NDUFAF7: variants seen among roughly 807,000 people sequenced by gnomAD.
NDUFAF7 encodes protein arginine methyltransferase NDUFAF7, mitochondrial.
A neutral mutation model predicts 47.2 loss-of-function variants in NDUFAF7; 48 were observed. The ratio of observed to expected loss-of-function variants is 1.02; its 90% CI spans 0.81 to 1.29. The LOEUF (loss-of-function observed/expected upper bound fraction) is 1.29, where lower values mean the gene tolerates loss of function less well. Ranked by LOEUF, NDUFAF7 falls within the 50% of genes most tolerant of loss-of-function variation. NDUFAF7 has a pLI of 0.00. For missense variants in NDUFAF7, 635 were observed against 537.6 expected, an observed-to-expected ratio of 1.18 and a Z score of -1.79; for synonymous variants, 217 against 190.0, an observed-to-expected ratio of 1.14 and a Z score of -1.17.
intron 5 of NDUFAF7, chr2:37,242,106 T>C: frequency 2.6e-6 from 1 of 384,182 alleles, no homozygotes; most frequent in Non-Finnish European, 4.7e-6. Context: ...CTGGGGCTGA[T>C]GGAAGCAGTG....
At position 37,236,156 on chromosome 2, in the gene NDUFAF7, A is replaced by G. The variant is rs772455039; in HGVS notation, c.277A>G (p.Ile93Val). 5 of 1,611,714 alleles carry G rather than the reference A, an allele frequency of 3.1e-6. No individual in the cohort carries two copies. Among genetic ancestry groups the G allele is most frequent in the South Asian group, 1.1e-5 (1 of 91,030 alleles). The change falls in exon 3 of 10, where the codon ATA becomes GTA. Residue 93 changes from isoleucine (I) to valine (V), a missense_variant. Physicochemically the swap from Ile to Val is conservative, Grantham distance 29 (BLOSUM62 3). Transcript: ENST00000002125. ...AGGAGATTTCATTACTTCACCTGAA[A>G]TAAGTCAAATCTTTGGGGAGGTAAT... ...EKGDFITSPE[I>V]SQIFGELLGI...
At chr2:37,260,626 CT>C in the NDUFAF7 span, among the ~76,000 whole-genome samples, 1 of 152,190 alleles carries the variant, frequency 6.6e-6, no homozygotes, top group Admixed American at 6.5e-5. Context: ...TATAATCACT[CT>C]TGTCCATTAC....
Position 37,247,275 on chromosome 2 carries a change from GC to G in NDUFAF7, c.937-180del. ...GTAGTGTATCTCAGGTGATTCTGAT[GC>G]ATGGTTGATGCATATACTTTGTAAA... On this transcript the variant is annotated intron_variant, in intron 8 of 9. Coordinates refer to ENST00000002125, the MANE Select transcript of NDUFAF7 (RefSeq NM_144736.5). 1.5e-5 allele frequency: 10 copies of G among 676,648 alleles called. No homozygotes were observed. The South Asian group carries it at 1.9e-4, about 13-fold the overall frequency. 41.9% of individuals were successfully genotyped at this position (676,648 alleles called of 1,614,324 possible). A position where few individuals can be genotyped will look rare whatever the true frequency, so the allele number is the denominator to read the frequency against.
intron 3 of NDUFAF7, among the ~76,000 whole-genome samples, chr2:37,237,233 G>T (rs1665891689): frequency 6.6e-6 from 1 of 152,212 alleles, no homozygotes; most frequent in Non-Finnish European, 1.5e-5. Context: ...GCCTCCCAAA[G>T]TGCTGGGATT....
chr2:37,232,417 G>C (rs1158210983), intron 2 of NDUFAF7, 151 bp downstream of exon 2: 10 of 1,035,578 alleles, frequency 9.7e-6, no homozygotes, highest in Non-Finnish European at 1.5e-5. Flanking sequence ...CAGATAATTT[G>C]TCAGTTGGTC....
At chr2:37,233,772 G>A (rs1370229997) in intron 2 of NDUFAF7, among the ~76,000 whole-genome samples, 1 of 152,160 alleles carries the variant, frequency 6.6e-6, no homozygotes, top group Non-Finnish European at 1.5e-5. Context: ...CCAGCATTGA[G>A]AGTAGGGGTA....
chr2:37,256,423 C>T (rs912146223), downstream of NDUFAF7, among the ~76,000 whole-genome samples: 6 of 152,116 alleles, frequency 3.9e-5, no homozygotes, highest in African/African-American at 7.2e-5. Flanking sequence ...AGTGGTTTGA[C>T]AATGAGGCCA....
chr2:37,250,360 A>ATATC, downstream of NDUFAF7: 1 of 152,300 alleles, frequency 6.6e-6, no homozygotes, highest in South Asian at 2.1e-4. Context: ...GCAATGCCTT[A>ATATC]TATCTTAACA....
At chr2:37,266,589 C>T in the NDUFAF7 span, among the ~76,000 whole-genome samples, 6 of 151,966 alleles carry the variant, frequency 3.9e-5, no homozygotes, top group East Asian at 1.9e-4. Flanking sequence ...CAGGTTCAAG[C>T]GATTCTCCTG....
At chr2:37,254,082 A>T (rs1015967565), downstream of NDUFAF7, 55 of 709,902 alleles carry the variant, frequency 7.7e-5, 1 homozygote, top group Non-Finnish European at 1.2e-4. Context: ...CCATAGTACA[A>T]ATTAATCACT....
In NDUFAF7 at chr2:37,240,132, A is replaced by G. The variant is rs183157369; in HGVS notation, c.409-1446A>G. Among the ~76,000 whole-genome samples, 179 of 152,326 alleles carry G rather than the reference A, an allele frequency of 1.2e-3. 1 individual carries two copies. Among genetic ancestry groups the G allele is most frequent in the African/African-American group, 3.9e-3 (162 of 41,574 alleles). ...TATTTTATATGTACTTGACAATTCA[A>G]TGTAAAAAACAAACATGGCTGGGCG... is the stretch of plus-strand genomic sequence containing the variant. On this transcript the variant is annotated intron_variant, in intron 4 of 9. Transcript: ENST00000002125.
At chr2:37,265,430 T>C in the NDUFAF7 span, among the ~76,000 whole-genome samples, 3 of 152,264 alleles carry the variant, frequency 2.0e-5, no homozygotes, top group Non-Finnish European at 4.4e-5. Flanking sequence ...TTCTAGAATA[T>C]CAATATTCTA....
At chr2:37,242,090 A>G in intron 5 of NDUFAF7, 1 of 410,150 alleles carries the variant, frequency 2.4e-6, no homozygotes, top group Non-Finnish European at 4.4e-6. Context: ...GAGCAGCCCA[A>G]GGCAGCTGGG....
rs199507397 is a variant in NDUFAF7 at position 37,241,702 on chromosome 2, G to A, written c.533G>A (p.Arg178Gln). 8.6e-5 allele frequency: 138 copies of A among 1,613,882 alleles called. No individual in the cohort carries two copies. The highest frequency in any genetic ancestry group is 1.5e-4 in the Admixed American group (9 of 59,986). Residue 178 changes from arginine (R) to glutamine (Q), a missense_variant, in exon 5 of 10, where the codon CGA becomes CAA. Transcript: ENST00000002125. ...TLTKEKVPLE[R>Q]NAGSPVYMKG... ...ACTAAAGAGAAGGTCCCGTTAGAGCGAAATGCTGGATCCCCAGTGTATATG... is the reference window on the plus strand; with the variant it reads ...ACTAAAGAGAAGGTCCCGTTAGAGCAAAATGCTGGATCCCCAGTGTATATG...
chr2:37,256,615 A>G, downstream of NDUFAF7: 4 of 1,466,578 alleles, frequency 2.7e-6, no homozygotes, highest in Non-Finnish European at 3.6e-6. Context: ...TAGGCTTAAA[A>G]CACATAGCCA....
At chr2:37,236,434 G>C (rs371951550) in intron 3 of NDUFAF7, among the ~76,000 whole-genome samples, 2 of 152,050 alleles carry the variant, frequency 1.3e-5, no homozygotes, top group African/African-American at 4.8e-5. Context: ...AGAAGGAAAG[G>C]AGGGGGTCAT....
chr2:37,231,944 G>T, intron 1 of NDUFAF7, 162 bp from the exon 2 acceptor site: 2 of 1,598,172 alleles, frequency 1.3e-6, no homozygotes, highest in South Asian at 2.2e-5. Context: ...GGGCAAGTGG[G>T]TGCTGTCTCT....
Position 37,235,268 on chromosome 2 carries a change from AAAC to A in NDUFAF7, c.217-824_217-822del, listed in dbSNP as rs982146201. Reference sequence around the variant, plus strand: ...CAAGCAAGGCTAATAAGAAAAAAAAAAACAACCCTTTTTCTGGAGATATAATAT... The same window carrying A: ...CAAGCAAGGCTAATAAGAAAAAAAAAAACCCTTTTTCTGGAGATATAATAT... On this transcript the variant is annotated intron_variant, in intron 2 of 9. Coordinates refer to ENST00000002125, the MANE Select transcript of NDUFAF7 (RefSeq NM_144736.5). Among the ~76,000 whole-genome samples, 44 of 152,200 alleles carry A rather than the reference AAAC, an allele frequency of 2.9e-4. 1 individual carries two copies. The highest frequency in any genetic ancestry group is 1.0e-3 in the African/African-American group (42 of 41,462).
downstream of NDUFAF7, among the ~76,000 whole-genome samples, chr2:37,256,126 C>G (rs940850279): frequency 6.6e-6 from 1 of 152,068 alleles, no homozygotes; most frequent in Non-Finnish European, 1.5e-5. Context: ...AAGGGGTCCT[C>G]GAATTTTAAT....
Sources: gnomAD v4.1 joint callset for allele counts (sites outside exome capture counted in the v4.1 genomes callset) on GRCh38, gnomAD v4.1.1 for gene constraint, MANE v1.5 for transcripts, NCBI Gene and HGNC (gene_info 2026-07-23, HGNC 2026-07-21) for gene names.